The following CNTNAP5 variants were observed in gnomAD, a reference collection of about 807,000 sequenced individuals.
The protein encoded by CNTNAP5 is contactin associated protein family member 5, also known as contactin-associated protein-like 5.
Under a neutral mutation model 150.2 loss-of-function variants are expected in CNTNAP5, and 72 were observed. That is an observed-to-expected ratio of 0.48 (90% CI 0.40 to 0.58). The LOEUF (loss-of-function observed/expected upper bound fraction) is 0.58. Among genes scored for constraint, CNTNAP5 ranks in the 20% least tolerant of loss-of-function variants. The pLI, the probability that CNTNAP5 is intolerant of heterozygous loss-of-function variation, is 0.00. For missense variants in CNTNAP5, 1,636 were observed against 1,626.2 expected, an observed-to-expected ratio of 1.01 and a Z score of -0.10; for synonymous variants, 672 against 619.8, an observed-to-expected ratio of 1.08 and a Z score of -1.25.
chr2:124,445,082 T>C (rs1490410118), intron 5 of CNTNAP5, among the ~76,000 whole-genome samples: 1 of 127,088 alleles, frequency 7.9e-6, no homozygotes, highest in Admixed American at 8.0e-5. Context: ...CACAAATATC[T>C]TTTTTTTTTT....
intron 11 of CNTNAP5, among the ~76,000 whole-genome samples, chr2:124,609,583 T>C: frequency 6.6e-6 from 1 of 151,050 alleles, no homozygotes; most frequent in East Asian, 2.0e-4. Context: ...CAAATAATAA[T>C]AAAAAGAGAG....
chr2:124,747,887 T>A (rs1295913576), intron 14 of CNTNAP5, among the ~76,000 whole-genome samples: 2 of 143,350 alleles, frequency 1.4e-5, no homozygotes, highest in Non-Finnish European at 3.0e-5. Context: ...TCCACCTGCC[T>A]CGGCTTCCCA....
chr2:124,670,133 T>TTTCTTTCCTTCCTTCCTTCC (rs1553429560), intron 13 of CNTNAP5, among the ~76,000 whole-genome samples: 2 of 112,510 alleles, frequency 1.8e-5, no homozygotes, highest in Non-Finnish European at 3.8e-5. Flanking sequence ...TCCTTCCTTC[T>TTTCTTTCCTTCCTTCCTTCC]TTCCTTCCTT....
At chr2:124,173,178 C>T (rs1684976405) in intron 1 of CNTNAP5, among the ~76,000 whole-genome samples, 1 of 152,172 alleles carries the variant, frequency 6.6e-6, no homozygotes, top group Non-Finnish European at 1.5e-5. Context: ...CACTGATGGG[C>T]CATTCCCCTA....
At chr2:124,716,524 C>A (rs1046103119) in intron 13 of CNTNAP5, among the ~76,000 whole-genome samples, 3 of 151,584 alleles carry the variant, frequency 2.0e-5, no homozygotes, top group African/African-American at 7.3e-5. Context: ...TTCTAAATAT[C>A]TTTAATAGAA....
chr2:124,522,899 C>T (rs1694881034), intron 8 of CNTNAP5, among the ~76,000 whole-genome samples: 1 of 152,264 alleles, frequency 6.6e-6, no homozygotes, highest in Admixed American at 6.5e-5. Context: ...TTGGGATCCT[C>T]ACATGGAGTT....
chr2:124,547,077 C>A lies in CNTNAP5; in HGVS notation c.1650-16140C>A, dbSNP rs145720497. On this transcript the variant is annotated intron_variant, in intron 10 of 23. Transcript: ENST00000682447. ...CCCCTGTCAAACCCACTACCTCCCC[C>A]ACCCCCGACCAAAACCCTAGAGATA... Among the ~76,000 whole-genome samples the A allele has an allele frequency of 6.0e-3, 917 of 152,236 alleles. 1 individual carries two copies. Among genetic ancestry groups the A allele is most frequent in the Middle Eastern group, 0.027 (8 of 294 alleles).
intron 3 of CNTNAP5, among the ~76,000 whole-genome samples, chr2:124,264,389 T>TAC (rs200429155): frequency 0.023 from 2,940 of 126,540 alleles, 96 homozygotes; most frequent in African/African-American, 0.071. Flanking sequence ...CACACACACA[T>TAC]ACACACACAC....
chr2:124,263,219 G>A (rs185287499), intron 3 of CNTNAP5, among the ~76,000 whole-genome samples: 2 of 152,070 alleles, frequency 1.3e-5, no homozygotes, highest in East Asian at 1.9e-4. Flanking sequence ...TTGAGGAATC[G>A]CCACACTGTC....
At chr2:124,233,801 A>G in intron 2 of CNTNAP5, among the ~76,000 whole-genome samples, 1 of 150,286 alleles carries the variant, frequency 6.7e-6, no homozygotes, top group African/African-American at 2.4e-5. Context: ...ATATATATAT[A>G]TATTATTTTA....
intron 12 of CNTNAP5, among the ~76,000 whole-genome samples, chr2:124,645,865 G>A (rs1287638472): frequency 6.6e-6 from 1 of 152,102 alleles, no homozygotes; most frequent in South Asian, 2.1e-4. Context: ...CATGGTGGAA[G>A]GTGAAGAGGG....
intron 13 of CNTNAP5, among the ~76,000 whole-genome samples, chr2:124,695,234 G>A (rs1679381808): frequency 6.6e-6 from 1 of 152,180 alleles, no homozygotes; most frequent in Non-Finnish European, 1.5e-5. Context: ...GTGGACCTGA[G>A]CAGAAGTGTG....
rs1419651221 is a variant in CNTNAP5, at chr2:124,653,919, C to CA, written c.2077+5961_2077+5962insA. ...TGCCCCCACTGCCCCCAACCCCCCC[C>CA]CCCCGCCACACACACACAATCAGTG... is the stretch of plus-strand genomic sequence containing the variant. On this transcript the variant is annotated intron_variant, in intron 13 of 23. Transcript: ENST00000682447. 1.4e-5 allele frequency among the ~76,000 whole-genome samples: 2 copies of CA among 138,820 alleles called. 1 individual carries two copies. The highest frequency in any genetic ancestry group is 5.4e-5 in the African/African-American group (2 of 36,902). 91.1% of individuals were successfully genotyped at this position (138,820 alleles called of 152,430 possible). A position where few individuals can be genotyped will look rare whatever the true frequency, so the allele number is the denominator to read the frequency against.
intron 13 of CNTNAP5, among the ~76,000 whole-genome samples, chr2:124,735,216 G>A (rs1345658530): frequency 1.3e-5 from 2 of 152,000 alleles, no homozygotes; most frequent in South Asian, 2.1e-4. Context: ...AAACATGTCC[G>A]TAAGACATCC....
chr2:124,431,304 G>A (rs1418685909), intron 4 of CNTNAP5, among the ~76,000 whole-genome samples: 1 of 152,038 alleles, frequency 6.6e-6, no homozygotes, highest in Admixed American at 6.6e-5. Flanking sequence ...AGGTGAGTGA[G>A]TGAGTGGACT....
intron 13 of CNTNAP5, among the ~76,000 whole-genome samples, chr2:124,667,569 A>G (rs1359705587): frequency 1.3e-5 from 2 of 152,152 alleles, no homozygotes; most frequent in African/African-American, 4.8e-5. Flanking sequence ...GGGCAATGCT[A>G]ATTTCATTTC....
At chr2:124,815,180 C>T (rs548095770) in intron 19 of CNTNAP5, among the ~76,000 whole-genome samples, 3 of 152,334 alleles carry the variant, frequency 2.0e-5, no homozygotes, top group East Asian at 3.9e-4. Context: ...TTTCAATAAA[C>T]TGGCAATGAA....
At chr2:124,488,741 A>G (rs1051745828) in intron 7 of CNTNAP5, among the ~76,000 whole-genome samples, 5 of 152,228 alleles carry the variant, frequency 3.3e-5, no homozygotes, top group African/African-American at 1.2e-4. Context: ...TGATTATACC[A>G]AGATGAACTT....
Position 124,201,225 on chromosome 2 carries a change from G to A in CNTNAP5, c.83-20480G>A, listed in dbSNP as rs80353449. On this transcript the variant is annotated intron_variant, in intron 1 of 23. Coordinates refer to ENST00000682447, the MANE Select transcript of CNTNAP5 (RefSeq NM_001367498.1). Reference sequence around the variant, plus strand: ...TGAGAAGGACTTCTCTCTCAGCCTGGACCACTCTCAGGTACATGCACTACT... The same window carrying A: ...TGAGAAGGACTTCTCTCTCAGCCTGAACCACTCTCAGGTACATGCACTACT... Among the ~76,000 whole-genome samples the A allele has an allele frequency of 5.0e-3, 765 of 152,236 alleles. 6 individuals are homozygous for A. Among genetic ancestry groups the A allele is most frequent in the African/African-American group, 0.012 (486 of 41,544 alleles).
Sources: allele counts gnomAD v4.1 joint callset (sites outside exome capture counted in the v4.1 genomes callset), GRCh38; gene constraint gnomAD v4.1.1; transcripts MANE v1.5; gene names NCBI Gene and HGNC (gene_info 2026-07-23, HGNC 2026-07-21).